ELF1: variants seen among roughly 807,000 people sequenced by gnomAD.
ELF1 encodes ETS-related transcription factor Elf-1.
ELF1 carries 24 observed loss-of-function variants against 59.9 expected under a neutral mutation model. The ratio of observed to expected loss-of-function variants is 0.40; its 90% CI spans 0.29 to 0.56. ELF1 has a LOEUF of 0.56. ELF1 is among the 20% of genes least tolerant of loss of function. ELF1 has a pLI of 0.44. For missense variants in ELF1, 627 were observed against 742.2 expected (o/e 0.84, Z 1.80); for synonymous variants, 248 against 266.2 (o/e 0.93, Z 0.67).
At chr13:41,030,307 A>AAAT (rs1002773445) in intron 1 of ELF1, among the ~76,000 whole-genome samples, 2 of 152,194 alleles carry the variant, frequency 1.3e-5, no homozygotes, top group Non-Finnish European at 2.9e-5. Flanking sequence ...TCTGAGAAAA[A>AAAT]AATGACAGTT....
chr13:40,956,911 C>T (rs887733960), intron 3 of ELF1, among the ~76,000 whole-genome samples: 2 of 151,446 alleles, frequency 1.3e-5, no homozygotes, highest in Non-Finnish European at 2.9e-5. Flanking sequence ...AGGCTGGTCT[C>T]GAACTCCTGA....
intron 5 of ELF1, among the ~76,000 whole-genome samples, chr13:40,944,481 C>G (rs140973096): frequency 6.6e-6 from 1 of 152,146 alleles, no homozygotes; most frequent in South Asian, 2.1e-4. Context: ...TAGTTAAATG[C>G]TATCCTCCTG....
At chr13:40,999,612 T>C (rs1332235289) in intron 1 of ELF1, among the ~76,000 whole-genome samples, 3 of 152,288 alleles carry the variant, frequency 2.0e-5, no homozygotes, top group East Asian at 3.9e-4. Context: ...TAAAGCCCAA[T>C]GCAAGTCATG....
chr13:40,948,555 CCT>C (rs1870645505), intron 5 of ELF1, among the ~76,000 whole-genome samples: 5 of 152,130 alleles, frequency 3.3e-5, no homozygotes, highest in Admixed American at 3.3e-4. Flanking sequence ...TTGGAATTTC[CCT>C]GACTTTCACA....
Position 40,932,117 on chromosome 13 carries a change from T to C in ELF1, c.*1308A>G, listed in dbSNP as rs1869447441. 6.6e-6 allele frequency: 1 copy of C among 152,202 alleles called. No homozygotes were observed. Among genetic ancestry groups the C allele is most frequent in the Non-Finnish European group, 1.5e-5 (1 of 68,038 alleles). The allele number at this position is 152,202 out of a possible 1,614,324, so 9.4% of individuals were successfully genotyped here. A position where few individuals can be genotyped will look rare whatever the true frequency, so the allele number is the denominator to read the frequency against. ...TCCAAAATTTAAATTTTTGTTTAAA[T>C]ACAAATTCACTCTGTAATATGAAAA... On this transcript the variant is annotated 3_prime_UTR_variant, in exon 9 of 9. Transcript: ENST00000239882.
intron 1 of ELF1, among the ~76,000 whole-genome samples, chr13:40,994,196 C>T (rs1874018293): frequency 6.6e-6 from 1 of 152,278 alleles, no homozygotes; most frequent in East Asian, 1.9e-4. Context: ...CTTGGACTAA[C>T]CTGGTATCAG....
intron 1 of ELF1, among the ~76,000 whole-genome samples, chr13:41,032,638 C>T (rs1261399628): frequency 6.6e-6 from 1 of 151,924 alleles, no homozygotes; most frequent in African/African-American, 2.4e-5. Flanking sequence ...TCACTTGAGG[C>T]AAGGAGTTCA....
chr13:40,988,015 A>C (rs2138292533), intron 1 of ELF1, among the ~76,000 whole-genome samples: 1 of 152,362 alleles, frequency 6.6e-6, no homozygotes, highest in African/African-American at 2.4e-5. Flanking sequence ...AGAAATGAGA[A>C]GCAAGCAATA....
intron 2 of ELF1, among the ~76,000 whole-genome samples, chr13:40,961,508 C>T (rs1285146840): frequency 6.6e-6 from 1 of 152,038 alleles, no homozygotes; most frequent in Non-Finnish European, 1.5e-5. Flanking sequence ...GCTACAATCC[C>T]ATCTGTGAAT....
At chr13:40,936,774 A>G (rs1411777792) in intron 8 of ELF1, among the ~76,000 whole-genome samples, 2 of 149,208 alleles carry the variant, frequency 1.3e-5, no homozygotes, top group Non-Finnish European at 3.0e-5. Context: ...AAAAAAAAAA[A>G]AAAGAAAAAA....
rs1424285038 is a variant in ELF1, at chr13:40,971,090, C to T, written c.72+10893G>A. 2.0e-5 allele frequency among the ~76,000 whole-genome samples: 3 copies of T among 151,902 alleles called. No homozygotes were observed. The East Asian group carries it at 5.8e-4, about 29-fold the overall frequency. On this transcript the variant is annotated intron_variant, in intron 2 of 8. Transcript: ENST00000239882. ...TGACTCTAGAGTCCACAAGTTTAAC[C>T]ACTACCAGTACAGGATCCTATAGAT...
intron 2 of ELF1, among the ~76,000 whole-genome samples, chr13:40,959,863 G>C (rs1425623446): frequency 6.6e-6 from 1 of 152,154 alleles, no homozygotes; most frequent in Admixed American, 6.5e-5. Context: ...TGAGGAAACT[G>C]ACCCAGAGAG....
intron 1 of ELF1, among the ~76,000 whole-genome samples, chr13:40,986,937 C>CTCTTTT (rs552477115): frequency 0.045 from 5,671 of 126,712 alleles, 758 homozygotes; most frequent in East Asian, 0.27. Flanking sequence ...AATCATTGCT[C>CTCTTTT]TTTTTTTTTT....
At chr13:40,961,140 G>A (rs1871791395) in intron 2 of ELF1, among the ~76,000 whole-genome samples, 1 of 106,028 alleles carries the variant, frequency 9.4e-6, no homozygotes, top group African/African-American at 2.6e-5. Flanking sequence ...ACACACTGAG[G>A]TTAGACATTA....
chr13:41,041,186 A>C (rs1212717821), intron 1 of ELF1, among the ~76,000 whole-genome samples: 1 of 151,678 alleles, frequency 6.6e-6, no homozygotes, highest in Non-Finnish European at 1.5e-5. Flanking sequence ...AAGTACAAAA[A>C]GCAGCTAGAG....
intron 1 of ELF1, chr13:41,060,797 A>G (rs888228069): frequency 1.6e-5 from 3 of 188,204 alleles, no homozygotes; most frequent in Non-Finnish European, 3.4e-5. Flanking sequence ...CCTAACCGCT[A>G]GACCATATGG....
intron 3 of ELF1, 39 bp downstream of exon 3, chr13:40,958,797 G>A (rs1300237292): frequency 1.3e-6 from 2 of 1,576,484 alleles, no homozygotes; most frequent in East Asian, 2.2e-5. Flanking sequence ...GCCTAAAGCT[G>A]TGCTGCAGCA....
intron 5 of ELF1, among the ~76,000 whole-genome samples, chr13:40,947,255 C>A (rs937778900): frequency 6.6e-6 from 1 of 151,818 alleles, no homozygotes; most frequent in African/African-American, 2.4e-5. Context: ...AAAATTTGTA[C>A]ATAAATGGCC....
intron 7 of ELF1, 120 bp from the exon 8 acceptor site, chr13:40,941,490 T>C: frequency 4.8e-5 from 41 of 859,704 alleles, no homozygotes; most frequent in Non-Finnish European, 6.4e-5. Context: ...GAGAAAAGAA[T>C]TTCTAAATAA....
Sources: gnomAD v4.1 joint callset for allele counts (sites outside exome capture counted in the v4.1 genomes callset) on GRCh38, gnomAD v4.1.1 for gene constraint, MANE v1.5 for transcripts, NCBI Gene and HGNC (gene_info 2026-07-23, HGNC 2026-07-21) for gene names.